HS6ST3: variants seen among roughly 807,000 people sequenced by gnomAD.
HS6ST3 encodes heparan sulfate 6-O-sulfotransferase 3, also known as heparan-sulfate 6-O-sulfotransferase 3.
HS6ST3 carries 12 observed loss-of-function variants against 36.7 expected under a neutral mutation model. The ratio of observed to expected loss-of-function variants is 0.33; its 90% CI spans 0.21 to 0.53. HS6ST3 has a LOEUF of 0.53. Among genes scored for constraint, HS6ST3 ranks in the 20% least tolerant of loss-of-function variants. The pLI is 0.95. For missense variants in HS6ST3, 584 were observed against 640.9 expected (o/e 0.91, Z 0.96); for synonymous variants, 240 against 257.5 (o/e 0.93, Z 0.65).
At chr13:96,429,443 A>T (rs1466141417) in intron 1 of HS6ST3, among the ~76,000 whole-genome samples, 1 of 152,140 alleles carries the variant, frequency 6.6e-6, no homozygotes, top group Non-Finnish European at 1.5e-5. Flanking sequence ...TTTTTGGGGG[A>T]GTTAACTGAG....
chr13:96,106,727 G>A (rs889384627), intron 1 of HS6ST3, among the ~76,000 whole-genome samples: 9 of 152,222 alleles, frequency 5.9e-5, no homozygotes, highest in Admixed American at 3.3e-4. Flanking sequence ...AGATGGGATA[G>A]TTCTAATCTG....
At chr13:96,576,841 GC>G (rs1196724251) in intron 1 of HS6ST3, among the ~76,000 whole-genome samples, 1 of 149,938 alleles carries the variant, frequency 6.7e-6, no homozygotes, top group East Asian at 2.0e-4. Context: ...CTACTCGGGA[GC>G]CTGAAGCAGG....
At chr13:96,479,367 G>A (rs931366265) in intron 1 of HS6ST3, among the ~76,000 whole-genome samples, 10 of 152,158 alleles carry the variant, frequency 6.6e-5, no homozygotes, top group Non-Finnish European at 1.0e-4. Context: ...ACATGGAGAG[G>A]GGAACGATTA....
chr13:96,518,333 A>T (rs924934498), intron 1 of HS6ST3, among the ~76,000 whole-genome samples: 3 of 152,176 alleles, frequency 2.0e-5, no homozygotes, highest in Non-Finnish European at 4.4e-5. Context: ...ACTAATTCTT[A>T]TTCCCTTTTT....
intron 1 of HS6ST3, among the ~76,000 whole-genome samples, chr13:96,226,290 G>A (rs1296046016): frequency 3.3e-5 from 5 of 152,146 alleles, no homozygotes. Flanking sequence ...GGATGCCAAG[G>A]CGGGCAGATC....
chr13:96,122,641 C>A (rs1042851945), intron 1 of HS6ST3, among the ~76,000 whole-genome samples: 1 of 152,048 alleles, frequency 6.6e-6, no homozygotes, highest in Non-Finnish European at 1.5e-5. Flanking sequence ...GGAGAAGATA[C>A]AATAGGTTAA....
At chr13:96,222,249 C>A (rs2139363092) in intron 1 of HS6ST3, among the ~76,000 whole-genome samples, 1 of 152,118 alleles carries the variant, frequency 6.6e-6, no homozygotes, top group Non-Finnish European at 1.5e-5. Context: ...TAACAAGGGA[C>A]AAACTACATA....
intron 1 of HS6ST3, among the ~76,000 whole-genome samples, chr13:96,133,118 A>T (rs1051513283): frequency 4.6e-5 from 7 of 151,686 alleles, no homozygotes; most frequent in African/African-American, 1.7e-4. Flanking sequence ...GAAGCTTTTT[A>T]ATTAATTAAT....
chr13:96,683,984 G>A (rs991783079), intron 1 of HS6ST3, among the ~76,000 whole-genome samples: 14 of 152,110 alleles, frequency 9.2e-5, no homozygotes, highest in African/African-American at 3.4e-4. Context: ...AATCTGAAAG[G>A]CTGAGAGCTA....
intron 1 of HS6ST3, among the ~76,000 whole-genome samples, chr13:96,372,259 C>T (rs868129373): frequency 6.6e-6 from 1 of 151,974 alleles, no homozygotes; most frequent in Non-Finnish European, 1.5e-5. Context: ...TTTTTGCATA[C>T]CTGTTGGCCA....
At chr13:96,521,680 G>A (rs1331072303) in intron 1 of HS6ST3, among the ~76,000 whole-genome samples, 1 of 152,152 alleles carries the variant, frequency 6.6e-6, no homozygotes, top group Non-Finnish European at 1.5e-5. Flanking sequence ...TTGTATTCCT[G>A]TGGGATCGGT....
At chr13:96,390,131 C>A (rs964769891) in intron 1 of HS6ST3, among the ~76,000 whole-genome samples, 20 of 152,026 alleles carry the variant, frequency 1.3e-4, no homozygotes, top group African/African-American at 4.6e-4. Context: ...TACAAACTAT[C>A]TTTTTATTTA....
chr13:96,825,753 C>A (rs1878633960), intron 1 of HS6ST3, among the ~76,000 whole-genome samples: 1 of 152,212 alleles, frequency 6.6e-6, no homozygotes, highest in Non-Finnish European at 1.5e-5. Flanking sequence ...TCCTTCCATT[C>A]ATTGACTCAT....
Position 96,440,832 on chromosome 13 carries a change from A to T in HS6ST3, c.707+349263A>T, listed in dbSNP as rs559445055. ...TGGTTGACAGTGAGAAATGCAGAGG[A>T]ATAATTAATCCCTTTACCCCCTACC... is the stretch of plus-strand genomic sequence containing the variant. On this transcript the variant is annotated intron_variant, in intron 1 of 1. Transcript: ENST00000376705. 2.6e-5 allele frequency among the ~76,000 whole-genome samples: 4 copies of T among 152,316 alleles called. No individual in the cohort carries two copies. In the South Asian group the frequency reaches 8.3e-4, roughly 32 times the overall value.
intron 1 of HS6ST3, among the ~76,000 whole-genome samples, chr13:96,343,236 C>T (rs1405638285): frequency 2.0e-5 from 3 of 152,204 alleles, no homozygotes; most frequent in African/African-American, 7.2e-5. Flanking sequence ...TCAAACAAAA[C>T]AGATGCATTA....
chr13:96,211,511 C>T (rs1447373808), intron 1 of HS6ST3, among the ~76,000 whole-genome samples: 1 of 152,190 alleles, frequency 6.6e-6, no homozygotes, highest in Non-Finnish European at 1.5e-5. Flanking sequence ...CTTTTGAGGA[C>T]TGAATTAGTT....
intron 1 of HS6ST3, among the ~76,000 whole-genome samples, chr13:96,316,297 G>A (rs1031892474): frequency 3.0e-4 from 41 of 135,674 alleles, no homozygotes; most frequent in Non-Finnish European, 4.4e-4. Flanking sequence ...GTGTGTGTGT[G>A]TGTATGTGTA....
At chr13:96,693,918 A>G (rs985620136) in intron 1 of HS6ST3, among the ~76,000 whole-genome samples, 6 of 152,194 alleles carry the variant, frequency 3.9e-5, no homozygotes, top group Non-Finnish European at 8.8e-5. Context: ...TTTATAACTT[A>G]CAGACCTAAA....
intron 1 of HS6ST3, among the ~76,000 whole-genome samples, chr13:96,214,013 C>T (rs1294611002): frequency 6.6e-6 from 1 of 152,162 alleles, no homozygotes; most frequent in African/African-American, 2.4e-5. Context: ...CTAACAATTA[C>T]AGTTGAAGGT....
Sources: allele counts gnomAD v4.1 joint callset (sites outside exome capture counted in the v4.1 genomes callset), GRCh38; gene constraint gnomAD v4.1.1; transcripts MANE v1.5; gene names NCBI Gene and HGNC (gene_info 2026-07-23, HGNC 2026-07-21).